The following MTUS2 variants were observed in gnomAD, a reference collection of about 807,000 sequenced individuals.
MTUS2 encodes microtubule associated scaffold protein 2.
A neutral mutation model predicts 114.1 loss-of-function variants in MTUS2; 40 were observed. The observed-to-expected ratio is 0.35, with a 90% CI of 0.27 to 0.46. The LOEUF (loss-of-function observed/expected upper bound fraction) is 0.46. Among genes scored for constraint, MTUS2 ranks in the 20% least tolerant of loss-of-function variants. MTUS2 has a pLI of 1.00. For synonymous variants in MTUS2, 688 were observed against 672.0 expected (o/e 1.02, Z -0.37); for missense variants, 1,679 against 1,705.4 (o/e 0.98, Z 0.27).
intron 2 of MTUS2, among the ~76,000 whole-genome samples, chr13:28,840,168 G>A (rs1014571636): frequency 6.6e-6 from 1 of 152,042 alleles, no homozygotes; most frequent in African/African-American, 2.4e-5. Flanking sequence ...CAGTAACAAA[G>A]GGTCATGTTA....
intron 2 of MTUS2, among the ~76,000 whole-genome samples, chr13:28,844,516 G>A (rs529947106): frequency 6.6e-6 from 1 of 150,836 alleles, no homozygotes; most frequent in South Asian, 2.1e-4. Flanking sequence ...AGAAGTACTC[G>A]TCCACCCCAC....
chr13:29,431,313 C>T (rs931645941), intron 8 of MTUS2, among the ~76,000 whole-genome samples: 13 of 152,212 alleles, frequency 8.5e-5, no homozygotes, highest in African/African-American at 3.1e-4. Flanking sequence ...TTATAAAGAC[C>T]TATCCATTGG....
intron 5 of MTUS2, among the ~76,000 whole-genome samples, chr13:29,197,710 C>T (rs1047501621): frequency 1.3e-5 from 2 of 152,172 alleles, no homozygotes; most frequent in African/African-American, 2.4e-5. Flanking sequence ...TCCACATCCT[C>T]TCCAGCATCT....
intron 2 of MTUS2, among the ~76,000 whole-genome samples, chr13:28,874,041 TG>T (rs1428719666): frequency 6.6e-6 from 1 of 152,156 alleles, no homozygotes; most frequent in East Asian, 1.9e-4. Context: ...TTTTTTGAGA[TG>T]GAGTCTCGCT....
chr13:28,899,604 G>T (rs1879513209), intron 2 of MTUS2, among the ~76,000 whole-genome samples: 1 of 152,040 alleles, frequency 6.6e-6, no homozygotes, highest in African/African-American at 2.4e-5. Context: ...TAGAGACGGG[G>T]TTTCACCCTG....
intron 8 of MTUS2, among the ~76,000 whole-genome samples, chr13:29,369,410 C>T (rs1361130501): frequency 6.6e-6 from 1 of 152,128 alleles, no homozygotes; most frequent in Non-Finnish European, 1.5e-5. Flanking sequence ...AAGCAAATGC[C>T]GCTCTCCTCC....
At chr13:29,059,145 C>T (rs1283357854) in intron 4 of MTUS2, among the ~76,000 whole-genome samples, 1 of 150,670 alleles carries the variant, frequency 6.6e-6, no homozygotes, top group Non-Finnish European at 1.5e-5. Flanking sequence ...CGTGGCTTTT[C>T]GAATTGCCAG....
intron 5 of MTUS2, among the ~76,000 whole-genome samples, chr13:29,232,106 A>C (rs893758053): frequency 3.0e-4 from 46 of 152,170 alleles, no homozygotes; most frequent in African/African-American, 1.1e-3. Flanking sequence ...TAAAGGTGCA[A>C]AGTCTCTACC....
At chr13:29,084,285 G>A (rs1368615721) in intron 4 of MTUS2, among the ~76,000 whole-genome samples, 1 of 151,570 alleles carries the variant, frequency 6.6e-6, no homozygotes, top group East Asian at 1.9e-4. Context: ...CCAACTGTGG[G>A]CCTCTGTTTC....
At chr13:28,955,215 A>C (rs1883002008) in intron 2 of MTUS2, among the ~76,000 whole-genome samples, 1 of 152,212 alleles carries the variant, frequency 6.6e-6, no homozygotes, top group African/African-American at 2.4e-5. Flanking sequence ...TACCAGCCTG[A>C]CATTGCACGA....
chr13:29,222,070 TC>T (rs1895930073), intron 5 of MTUS2, among the ~76,000 whole-genome samples: 3 of 152,190 alleles, frequency 2.0e-5, no homozygotes, highest in Non-Finnish European at 2.9e-5. Context: ...GCCTCAGCCT[TC>T]CGAGTAGTGG....
At chr13:28,911,454 G>C (rs1183834023) in intron 2 of MTUS2, among the ~76,000 whole-genome samples, 1 of 151,996 alleles carries the variant, frequency 6.6e-6, no homozygotes, top group Non-Finnish European at 1.5e-5. Context: ...GATTACAGGC[G>C]TGAGCCACCT....
intron 10 of MTUS2, chr13:29,482,272 G>A (rs1881245096): frequency 6.6e-6 from 1 of 152,186 alleles, no homozygotes; most frequent in South Asian, 2.1e-4. Flanking sequence ...TCCACTCAGG[G>A]GCCAGGACGC....
intron 4 of MTUS2, among the ~76,000 whole-genome samples, chr13:29,096,461 G>A (rs1009355234): frequency 6.6e-6 from 1 of 152,164 alleles, no homozygotes. Context: ...ACTCTTTGAG[G>A]TTAGTTCTGA....
At position 29,503,279 on chromosome 13, in the gene MTUS2, T is replaced by A; in HGVS notation, c.*73T>A. The A allele has an allele frequency of 1.3e-6, 2 of 1,552,398 alleles. No homozygotes were observed. Among genetic ancestry groups the A allele is most frequent in the Non-Finnish European group, 1.8e-6 (2 of 1,137,568 alleles). On this transcript the variant is annotated 3_prime_UTR_variant, in exon 16 of 16. Coordinates refer to ENST00000612955, the MANE Select transcript of MTUS2 (RefSeq NM_001033602.4). Reference sequence around the variant, plus strand: ...CCACCCTGAGGGAGCACCGACCCGGTGCCGCCGGAGCTGGCCCTGTGCGCA... The same window carrying A: ...CCACCCTGAGGGAGCACCGACCCGGAGCCGCCGGAGCTGGCCCTGTGCGCA...
intron 7 of MTUS2, among the ~76,000 whole-genome samples, chr13:29,348,737 G>A (rs4274287): frequency 0.81 from 122,586 of 152,156 alleles, 50,403 homozygotes; most frequent in East Asian, 0.9. Context: ...CTGAAGCTCT[G>A]TAAGGTATAT....
chr13:29,245,166 A>G (rs1896875462), intron 5 of MTUS2, among the ~76,000 whole-genome samples: 1 of 152,088 alleles, frequency 6.6e-6, no homozygotes, highest in African/African-American at 2.4e-5. Context: ...GATTAGTGAG[A>G]TAAGGAGAGG....
chr13:29,029,343 A>G (rs1047738646), intron 3 of MTUS2, among the ~76,000 whole-genome samples: 2 of 152,240 alleles, frequency 1.3e-5, no homozygotes, highest in Non-Finnish European at 2.9e-5. Context: ...TGTTCTGGCT[A>G]GAGGACACTT....
At chr13:29,327,926 T>C (rs1281677162) in intron 7 of MTUS2, among the ~76,000 whole-genome samples, 1 of 152,224 alleles carries the variant, frequency 6.6e-6, no homozygotes, top group East Asian at 1.9e-4. Flanking sequence ...ATAGACATTC[T>C]AATAGGTGTG....
Sources: allele counts gnomAD v4.1 joint callset (sites outside exome capture counted in the v4.1 genomes callset), GRCh38; gene constraint gnomAD v4.1.1; transcripts MANE v1.5; gene names NCBI Gene and HGNC (gene_info 2026-07-23, HGNC 2026-07-21).